The following EYS variants were observed in gnomAD, a reference collection of about 807,000 sequenced individuals.
EYS encodes EGF-like photoreceptor maintenance factor, also known as protein eyes shut homolog.
In EYS, 250 loss-of-function variants were observed where a neutral mutation model predicts 282.1. That is an observed-to-expected ratio of 0.89 (90% CI 0.80 to 0.98). EYS has a LOEUF of 0.98. Among genes scored for constraint, EYS ranks in the 50% least tolerant of loss-of-function variants. The pLI is 0.00. For missense variants in EYS, 4,016 were observed against 3,709.0 expected, an observed-to-expected ratio of 1.08 and a Z score of -2.15; for synonymous variants, 1,355 against 1,282.9, an observed-to-expected ratio of 1.06 and a Z score of -1.20.
intron 28 of EYS, among the ~76,000 whole-genome samples, chr6:64,426,885 GA>G (rs1774428475): frequency 6.6e-6 from 1 of 152,046 alleles, no homozygotes; most frequent in South Asian, 2.1e-4. Flanking sequence ...GGTAATTACA[GA>G]ATCACTATTT....
intron 19 of EYS, among the ~76,000 whole-genome samples, chr6:64,826,682 GTATATATA>G (rs3065326): frequency 4.2e-5 from 6 of 144,366 alleles, no homozygotes; most frequent in Admixed American, 2.1e-4. Flanking sequence ...ATGATTTTAT[GTATATATA>G]TATATATATA....
intron 2 of EYS, among the ~76,000 whole-genome samples, chr6:65,565,327 GC>G (rs1769230169): frequency 6.7e-6 from 1 of 148,312 alleles, no homozygotes; most frequent in Non-Finnish European, 1.5e-5. Flanking sequence ...CATTTATGTG[GC>G]CAACAAACAT....
rs1200800621 is a variant in EYS at position 64,206,192 on chromosome 6, T to A, written c.6424+24400A>T. Among the ~76,000 whole-genome samples the A allele has an allele frequency of 2.6e-5, 4 of 152,298 alleles. No homozygotes were observed. The South Asian group carries it at 8.3e-4, about 32-fold the overall frequency. ...TAAGTTTATTCTATTTTATATTTAA[T>A]GTGTAGATTTTATAAATTAGAACAC... On this transcript the variant is annotated intron_variant, in intron 31 of 42. Coordinates refer to ENST00000503581, the MANE Select transcript of EYS (RefSeq NM_001142800.2).
At chr6:65,563,973 T>C (rs1306369168) in intron 2 of EYS, among the ~76,000 whole-genome samples, 1 of 152,052 alleles carries the variant, frequency 6.6e-6, no homozygotes, top group Non-Finnish European at 1.5e-5. Context: ...CAAACAATCT[T>C]ATACACCAAT....
At chr6:65,337,062 A>G (rs1770015378) in intron 10 of EYS, among the ~76,000 whole-genome samples, 1 of 151,492 alleles carries the variant, frequency 6.6e-6, no homozygotes, top group Non-Finnish European at 1.5e-5. Flanking sequence ...AACAAAGATT[A>G]GGAATTTGGT....
intron 22 of EYS, among the ~76,000 whole-genome samples, chr6:64,777,103 A>G (rs1441813981): frequency 6.6e-6 from 1 of 152,166 alleles, no homozygotes; most frequent in Non-Finnish European, 1.5e-5. Context: ...CTAACTCACT[A>G]TCATGAGAAC....
intron 22 of EYS, among the ~76,000 whole-genome samples, chr6:64,776,184 G>A (rs968022416): frequency 1.3e-5 from 2 of 152,042 alleles, no homozygotes; most frequent in African/African-American, 4.8e-5. Flanking sequence ...TGACATACTC[G>A]GTTGTTTTAA....
chr6:65,022,170 TTTC>T (rs1772269970), intron 13 of EYS, among the ~76,000 whole-genome samples: 1 of 152,222 alleles, frequency 6.6e-6, no homozygotes, highest in African/African-American at 2.4e-5. Flanking sequence ...TGGTGGAGGA[TTTC>T]TTTTTTCTCC....
At chr6:65,046,804 C>A (rs1773116099) in intron 13 of EYS, among the ~76,000 whole-genome samples, 1 of 151,916 alleles carries the variant, frequency 6.6e-6, no homozygotes, top group South Asian at 2.1e-4. Context: ...GTTGAATTCT[C>A]AAAGTTGGGG....
In EYS at chr6:63,721,758, TGAACG is replaced by T. The variant is rs1456047165; in HGVS notation, c.8268_8272del (p.Val2757ThrfsTer53). 1 of 1,551,202 alleles carries T rather than the reference TGAACG, an allele frequency of 6.4e-7. No homozygotes were observed. Among genetic ancestry groups the T allele is most frequent in the Admixed American group, 2.0e-5 (1 of 50,956 alleles). On this transcript the variant is annotated frameshift_variant, in exon 43 of 43. Transcript: ENST00000503581. LOFTEE classifies it low-confidence loss of function (END_TRUNC). ...TCTGTCGCCAAGGTTGTAGCGAAGT[TGAACG>T]GAACTATTTACTAAAGAGATGCATA... is the stretch of plus-strand genomic sequence containing the variant.
rs1015806001 is a variant in EYS at position 64,888,576 on chromosome 6, G to A, written c.2847-1734C>T. Among the ~76,000 whole-genome samples the A allele has an allele frequency of 3.1e-4, 47 of 152,074 alleles. 1 individual carries two copies. The highest frequency in any genetic ancestry group is 3.2e-4 in the Non-Finnish European group (22 of 67,906). ...ATGGGATACTGGGTGAAAGAGTAGA[G>A]TATTTCCCAAGAGCTCTTCATGTGA... On this transcript the variant is annotated intron_variant, in intron 18 of 42. Transcript: ENST00000503581.
At chr6:65,259,412 T>C (rs1295997616) in intron 12 of EYS, among the ~76,000 whole-genome samples, 1 of 152,100 alleles carries the variant, frequency 6.6e-6, no homozygotes, top group East Asian at 1.9e-4. Flanking sequence ...TCGGTGTTAA[T>C]CTTCTAAGAT....
chr6:64,720,092 T>C (rs1771526707), intron 22 of EYS, among the ~76,000 whole-genome samples: 1 of 152,088 alleles, frequency 6.6e-6, no homozygotes. Context: ...TGGTATAAAG[T>C]CAATGTATCA....
At chr6:63,852,745 C>T (rs1282855546) in intron 36 of EYS, among the ~76,000 whole-genome samples, 1 of 152,168 alleles carries the variant, frequency 6.6e-6, no homozygotes, top group Non-Finnish European at 1.5e-5. Flanking sequence ...AAAATACTAG[C>T]TAACTGAATC....
chr6:65,064,803 A>G (rs1773694473), intron 12 of EYS, among the ~76,000 whole-genome samples: 2 of 152,082 alleles, frequency 1.3e-5, no homozygotes, highest in Non-Finnish European at 2.9e-5. Context: ...GGTAGAATCT[A>G]GAAACGTTAT....
intron 13 of EYS, among the ~76,000 whole-genome samples, chr6:65,025,025 T>G (rs1772363525): frequency 6.6e-6 from 1 of 152,228 alleles, no homozygotes; most frequent in African/African-American, 2.4e-5. Context: ...ACTCTTCTTA[T>G]GTATGAAAAA....
chr6:64,500,598 C>A (rs1777007791), intron 26 of EYS, among the ~76,000 whole-genome samples: 1 of 152,088 alleles, frequency 6.6e-6, no homozygotes, highest in African/African-American at 2.4e-5. Context: ...ATGTCTCCAA[C>A]ATGCATATCA....
chr6:64,670,402 A>AAAAT (rs60435635), intron 22 of EYS, among the ~76,000 whole-genome samples: 3,020 of 145,492 alleles, frequency 0.021, 38 homozygotes, highest in African/African-American at 0.027. Context: ...GAAGTGGCCC[A>AAAAT]AAATAAATAA....
intron 16 of EYS, among the ~76,000 whole-genome samples, chr6:64,912,154 A>G (rs1290844793): frequency 1.3e-5 from 2 of 152,036 alleles, no homozygotes; most frequent in African/African-American, 4.8e-5. Context: ...ACTAACTGCT[A>G]TTGTCATGAA....
Sources: gnomAD v4.1 joint callset for allele counts (sites outside exome capture counted in the v4.1 genomes callset) on GRCh38, gnomAD v4.1.1 for gene constraint, MANE v1.5 for transcripts, NCBI Gene and HGNC (gene_info 2026-07-23, HGNC 2026-07-21) for gene names.